Variants in GRIP2 observed in about 807,000 individuals in gnomAD.
GRIP2 encodes the protein glutamate receptor interacting protein 2.
GRIP2 carries 58 observed loss-of-function variants against 108.3 expected under a neutral mutation model. The ratio of observed to expected loss-of-function variants is 0.54; its 90% CI spans 0.43 to 0.67. The LOEUF is 0.67. GRIP2 is among the 30% of genes least tolerant of loss of function. The pLI is 0.00. For missense variants in GRIP2, 1,278 were observed against 1,430.6 expected, an observed-to-expected ratio of 0.89 and a Z score of 1.72; for synonymous variants, 586 against 598.2, an observed-to-expected ratio of 0.98 and a Z score of 0.30.
chr3:14,543,493 C>G (rs1241459132), upstream of GRIP2, among the ~76,000 whole-genome samples: 1 of 152,230 alleles, frequency 6.6e-6, no homozygotes, highest in Non-Finnish European at 1.5e-5. Flanking sequence ...GGGAGGCGGC[C>G]TAGGAATGAG....
intron 23 of GRIP2, 149 bp downstream of exon 23, chr3:14,494,694 G>C (rs4685167): frequency 0.54 from 475,929 of 879,934 alleles, 132,173 homozygotes; most frequent in East Asian, 0.78. Context: ...GAGGCTGAGG[G>C]TGCTGGGGCC....
At chr3:14,573,052 A>G in the GRIP2 span, 1 of 1,383,314 alleles carries the variant, frequency 7.2e-7, no homozygotes, top group Non-Finnish European at 1.0e-6. Flanking sequence ...AAGCTGATGT[A>G]GCGCTAGAAG....
chr3:14,541,140 C>T (rs1694960593), upstream of GRIP2, among the ~76,000 whole-genome samples: 1 of 152,244 alleles, frequency 6.6e-6, no homozygotes, highest in Admixed American at 6.5e-5. Context: ...CAGGACTGAC[C>T]AGGCTGATCT....
chr3:14,592,803 C>T, the GRIP2 span, among the ~76,000 whole-genome samples: 1 of 152,162 alleles, frequency 6.6e-6, no homozygotes, highest in Admixed American at 6.5e-5. Context: ...GGCCCCAAAA[C>T]CCCGTGATCC....
intron 4 of GRIP2, chr3:14,524,004 CT>C: frequency 2.0e-6 from 1 of 490,158 alleles, no homozygotes; most frequent in Non-Finnish European, 3.7e-6. Flanking sequence ...GTTACTCAAA[CT>C]TCAAGACTTT....
rs192325794 is a variant in GRIP2, at chr3:14,503,091, C to A, written c.2679+475G>T. Among the ~76,000 whole-genome samples the A allele has an allele frequency of 5.3e-5, 8 of 152,320 alleles. No individual in the cohort carries two copies. In the East Asian group the frequency reaches 1.2e-3, roughly 22 times the overall value. On this transcript the variant is annotated intron_variant, in intron 21 of 23. Coordinates refer to ENST00000621039, the MANE Select transcript of GRIP2 (RefSeq NM_001080423.4). The stretch of plus-strand genomic sequence containing the variant: ...CACATTCACCTCTGGTTTCCCACAG[C>A]CCCTTATCTCCTGTGTCGTCACTGA...
At position 14,494,917 on chromosome 3, in the gene GRIP2, C is replaced by T. The variant is rs570930186; in HGVS notation, c.2896G>A (p.Val966Ile). The change falls in exon 23 of 24, where the codon GTC becomes ATC. Residue 966 changes from valine (V) to isoleucine (I), a missense_variant. Val to Ile is a conservative substitution (Grantham distance 29). Coordinates refer to ENST00000621039, the MANE Select transcript of GRIP2 (RefSeq NM_001080423.4). ...TCAGGGCGCACAGTGTGGACATAGACACCTTTTTCCAGGAGGCCATCTGAG... is the reference window on the plus strand; with the variant it reads ...TCAGGGCGCACAGTGTGGACATAGATACCTTTTTCCAGGAGGCCATCTGAG... ...SVSDGLLEKG[V>I]YVHTVRPDGP... is the part of the protein sequence containing the mutation. 17 of 1,613,970 alleles carry T rather than the reference C, an allele frequency of 1.1e-5. No individual in the cohort carries two copies. In the Admixed American group the frequency reaches 2.7e-4, roughly 25 times the overall value.
the GRIP2 span, among the ~76,000 whole-genome samples, chr3:14,593,914 C>T: frequency 6.6e-6 from 1 of 152,220 alleles, no homozygotes; most frequent in Non-Finnish European, 1.5e-5. Flanking sequence ...CCAGTGAAAG[C>T]TCATCCAAGC....
chr3:14,520,684 C>CT lies in GRIP2; in HGVS notation c.713-148dup, dbSNP rs1053652067. ...ACATAATTTTTTATTCCTTTTCTTTCTTTTTTTATCTTCTACCAAATGTTA... is the reference window on the plus strand; with the variant it reads ...ACATAATTTTTTATTCCTTTTCTTTCTTTTTTTTATCTTCTACCAAATGTTA... On this transcript the variant is annotated intron_variant, in intron 7 of 23. Coordinates refer to ENST00000621039, the MANE Select transcript of GRIP2 (RefSeq NM_001080423.4). The CT allele has an allele frequency of 1.7e-4, 128 of 770,126 alleles. No individual in the cohort carries two copies. The African/African-American group carries it at 1.9e-3, about 12-fold the overall frequency. The allele number at this position is 770,126 out of a possible 1,614,324, so 47.7% of individuals were successfully genotyped here.
At chr3:14,525,255 G>A (rs1694521817) in intron 3 of GRIP2, among the ~76,000 whole-genome samples, 182 bp downstream of exon 3, 1 of 152,202 alleles carries the variant, frequency 6.6e-6, no homozygotes, top group African/African-American at 2.4e-5. Flanking sequence ...AGAGAAGCCA[G>A]GGCCTAGAAT....
chr3:14,586,298 C>T, the GRIP2 span, among the ~76,000 whole-genome samples: 1 of 152,218 alleles, frequency 6.6e-6, no homozygotes. Flanking sequence ...CGTTTCTGGT[C>T]CATCTTCTCT....
rs1304726244 is a variant in GRIP2 at position 14,512,514 on chromosome 3, G to T, written c.1720+263C>A. On this transcript the variant is annotated intron_variant, in intron 14 of 23. Transcript: ENST00000621039. The surrounding 1 kb of genome is among the most constrained non-coding windows in gnomAD (Gnocchi z 5.1). ...ACCTTCCAATGCTCTCTCACCATGG[G>T]CACCTCACAAGCCCCCTGGGAGACC... 3.9e-5 allele frequency among the ~76,000 whole-genome samples: 6 copies of T among 152,144 alleles called. No homozygotes were observed. Among genetic ancestry groups the T allele is most frequent in the Non-Finnish European group, 8.8e-5 (6 of 68,028 alleles).
At chr3:14,572,611 C>CAAGA in the GRIP2 span, among the ~76,000 whole-genome samples, 9 of 46,958 alleles carry the variant, frequency 1.9e-4, no homozygotes, top group South Asian at 4.4e-3. Flanking sequence ...GACTCCGTCT[C>CAAGA]AAAAAAAAAA....
intron 9 of GRIP2, among the ~76,000 whole-genome samples, chr3:14,519,409 C>G (rs1396568504): frequency 6.6e-6 from 1 of 152,242 alleles, no homozygotes; most frequent in East Asian, 1.9e-4. Flanking sequence ...CAGCCTCCCC[C>G]ATGTCTGTGC....
chr3:14,496,577 C>T lies in GRIP2; in HGVS notation c.2680-17G>A. 6.3e-7 allele frequency: 1 copy of T among 1,587,342 alleles called. No homozygotes were observed. ...GATGGATGCCTGCAAGGAACACGGC[C>T]TTTCTTTCAGATGCTTGTTGGCTTG... On this transcript the variant is annotated splice_polypyrimidine_tract_variant and intron_variant, in intron 21 of 23. Coordinates refer to ENST00000621039, the MANE Select transcript of GRIP2 (RefSeq NM_001080423.4).
intron 21 of GRIP2, among the ~76,000 whole-genome samples, chr3:14,498,885 G>A (rs758059930): frequency 4.6e-5 from 7 of 152,252 alleles, no homozygotes; most frequent in Non-Finnish European, 1.0e-4. Flanking sequence ...GCTTATGGAA[G>A]TTAGTGGCCC....
At chr3:14,544,974 T>C (rs1695035809), upstream of GRIP2, among the ~76,000 whole-genome samples, 2 of 152,092 alleles carry the variant, frequency 1.3e-5, no homozygotes, top group South Asian at 4.1e-4. Flanking sequence ...TGGGAGGAGC[T>C]TCAGGAGTAG....
chr3:14,514,949 T>C (rs539969508), intron 11 of GRIP2, among the ~76,000 whole-genome samples: 72 of 152,290 alleles, frequency 4.7e-4, no homozygotes, highest in Admixed American at 9.8e-4. Flanking sequence ...TTTGAGAACA[T>C]TTCATCACCT....
At chr3:14,516,282 C>T (rs774244801) in intron 11 of GRIP2, among the ~76,000 whole-genome samples, 4 of 152,060 alleles carry the variant, frequency 2.6e-5, no homozygotes, top group Non-Finnish European at 4.4e-5. Context: ...TTTTTTCAGA[C>T]ACCAGGTGAC....
Sources: gnomAD v4.1 joint callset for allele counts (sites outside exome capture counted in the v4.1 genomes callset) on GRCh38, gnomAD v4.1.1 for gene constraint, Gnocchi (gnomAD v3.1) non-coding constraint, MANE v1.5 for transcripts, NCBI Gene and HGNC (gene_info 2026-07-23, HGNC 2026-07-21) for gene names.